The following AGBL1 variants were observed in gnomAD, a reference collection of about 807,000 sequenced individuals.
AGBL1 encodes AGBL carboxypeptidase 1.
A neutral mutation model predicts 118.9 loss-of-function variants in AGBL1; 130 were observed. The observed-to-expected ratio is 1.09, with a 90% CI of 0.95 to 1.26. The LOEUF (loss-of-function observed/expected upper bound fraction) is 1.26, where lower values mean the gene tolerates loss of function less well. Among genes scored for constraint, AGBL1 ranks in the 50% most tolerant of loss-of-function variants. The pLI is 0.00. For synonymous variants in AGBL1, 555 were observed against 478.9 expected (o/e 1.16, Z -2.08); for missense variants, 1,584 against 1,298.1 (o/e 1.22, Z -3.38).
At chr15:86,290,695 T>G (rs964834439) in intron 16 of AGBL1, among the ~76,000 whole-genome samples, 2 of 151,660 alleles carry the variant, frequency 1.3e-5, no homozygotes, top group African/African-American at 2.4e-5. Flanking sequence ...TTTTTTTATT[T>G]TATTATTATT....
At chr15:86,800,523 C>G (rs1596493090) in intron 22 of AGBL1, among the ~76,000 whole-genome samples, 1 of 152,094 alleles carries the variant, frequency 6.6e-6, no homozygotes, top group Non-Finnish European at 1.5e-5. Flanking sequence ...GTGTTCTACA[C>G]TTTCCCTAAT....
At chr15:86,263,402 T>A (rs554449254) in intron 10 of AGBL1, among the ~76,000 whole-genome samples, 1 of 152,322 alleles carries the variant, frequency 6.6e-6, no homozygotes, top group African/African-American at 2.4e-5. Flanking sequence ...ATGATGTTCA[T>A]ACAACAATGA....
In AGBL1 at chr15:86,197,447, C is replaced by T. The variant is rs529183945; in HGVS notation, c.489-27467C>T. On this transcript the variant is annotated intron_variant, in intron 5 of 22. Transcript: ENST00000614907. ...TATTGGAAACTGGAGGAAAAGCCAT[C>T]GTTGTTATGAAGTGGCAAATAACTT... Among the ~76,000 whole-genome samples the T allele has an allele frequency of 2.4e-4, 37 of 152,282 alleles. 1 individual carries two copies. The highest frequency in any genetic ancestry group is 3.4e-3 in the Middle Eastern group (1 of 294).
chr15:86,769,004 G>C (rs554114904), intron 22 of AGBL1, among the ~76,000 whole-genome samples: 1 of 151,904 alleles, frequency 6.6e-6, no homozygotes, highest in Non-Finnish European at 1.5e-5. Flanking sequence ...TAGAGACAAA[G>C]ACAGTTTATT....
Position 86,271,647 on chromosome 15 carries a change from G to A in AGBL1, c.2016G>A (p.Lys672=), listed in dbSNP as rs1195068191. The change falls in exon 15 of 23, where the codon AAG becomes AAA. Residue 672 remains lysine, a synonymous_variant. Transcript: ENST00000614907. The part of the protein sequence containing the change: ...YGMQPTLYSV[K]EALLGKPTWI... ...TGCAGCCCACCCTATATTCTGTGAA[G>A]GAGGCTCTTCTTGGCAAACCCACCT... 1.2e-6 allele frequency: 2 copies of A among 1,612,964 alleles called. No individual in the cohort carries two copies. Among genetic ancestry groups the A allele is most frequent in the South Asian group, 1.1e-5 (1 of 91,062 alleles).
intron 22 of AGBL1, among the ~76,000 whole-genome samples, chr15:86,753,485 C>T (rs974186223): frequency 4.9e-5 from 7 of 144,054 alleles, no homozygotes; most frequent in Non-Finnish European, 1.0e-4. Flanking sequence ...GCAACTTTTG[C>T]CTCCCGGATT....
At chr15:86,184,433 C>CTTTTTTTTTTTTTTT (rs71144032) in intron 5 of AGBL1, among the ~76,000 whole-genome samples, 1 of 136,186 alleles carries the variant, frequency 7.3e-6, no homozygotes, top group Non-Finnish European at 1.6e-5. Flanking sequence ...TTTTTTCTTT[C>CTTTTTTTTTTTTTTT]TTTTTTTTTT....
chr15:86,577,282 T>C (rs2084105350), intron 21 of AGBL1, among the ~76,000 whole-genome samples: 1 of 152,144 alleles, frequency 6.6e-6, no homozygotes, highest in Admixed American at 6.5e-5. Flanking sequence ...TGGTGGCATT[T>C]TTCCCCTGCC....
At chr15:86,688,755 T>C (rs529387335) in intron 22 of AGBL1, among the ~76,000 whole-genome samples, 3 of 152,154 alleles carry the variant, frequency 2.0e-5, no homozygotes, top group Non-Finnish European at 4.4e-5. Flanking sequence ...GAAATACTAA[T>C]TGGATGATTT....
At chr15:86,653,962 C>T (rs2085420967) in intron 21 of AGBL1, among the ~76,000 whole-genome samples, 3 of 152,020 alleles carry the variant, frequency 2.0e-5, no homozygotes, top group Admixed American at 2.0e-4. Context: ...CAGATTAGAG[C>T]AGAAGAATGT....
At chr15:86,609,019 A>T (rs574511555) in intron 21 of AGBL1, among the ~76,000 whole-genome samples, 1 of 152,180 alleles carries the variant, frequency 6.6e-6, no homozygotes, top group South Asian at 2.1e-4. Context: ...CACACTTTGC[A>T]TAATTTTAAA....
chr15:86,702,425 G>T (rs2086376476), intron 22 of AGBL1, among the ~76,000 whole-genome samples: 1 of 152,112 alleles, frequency 6.6e-6, no homozygotes, highest in Non-Finnish European at 1.5e-5. Flanking sequence ...TATAGTAGGT[G>T]CTCAATAAGT....
At chr15:87,002,887 A>G (rs11852364) in intron 24 of AGBL1, among the ~76,000 whole-genome samples, 13,769 of 152,098 alleles carry the variant, frequency 0.091, 1,007 homozygotes, top group African/African-American at 0.21. Flanking sequence ...GGCTGAGACA[A>G]TGGGGTTTTC....
At chr15:86,243,183 C>T (rs564796780) in intron 6 of AGBL1, among the ~76,000 whole-genome samples, 43 of 152,134 alleles carry the variant, frequency 2.8e-4, no homozygotes, top group African/African-American at 7.7e-4. Context: ...TGTTGTAGAA[C>T]GCGTAAGGAT....
At chr15:86,736,588 A>C (rs79856064) in intron 22 of AGBL1, among the ~76,000 whole-genome samples, 2,232 of 152,260 alleles carry the variant, frequency 0.015, 61 homozygotes, top group African/African-American at 0.05. Flanking sequence ...ATTCAAGGCT[A>C]TTCTCATGTA....
Position 86,817,463 on chromosome 15 carries a change from T to TACACACACAC in AGBL1, c.3159-89604_3159-89595dup, listed in dbSNP as rs143498374. Among the ~76,000 whole-genome samples the TACACACACAC allele has an allele frequency of 4.2e-3, 566 of 133,446 alleles. 7 individuals are homozygous for TACACACACAC. Among genetic ancestry groups the TACACACACAC allele is most frequent in the African/African-American group, 0.013 (462 of 34,364 alleles). The allele number at this position is 133,446 out of a possible 152,430, so 87.5% of individuals were successfully genotyped here. A position where few individuals can be genotyped will look rare whatever the true frequency, so the allele number is the denominator to read the frequency against. On this transcript the variant is annotated intron_variant, in intron 22 of 22. Coordinates refer to ENST00000614907, the MANE Select transcript of AGBL1 (RefSeq NM_001386094.1). ...CAAGTGTGTGTGTGTCTCTGAGAGATACACACACACACACACACACACACA... is the reference window on the plus strand; with the variant it reads ...CAAGTGTGTGTGTGTCTCTGAGAGATACACACACACACACACACACACACACACACACACA...
chr15:86,447,477 A>G (rs756830027), intron 18 of AGBL1, among the ~76,000 whole-genome samples: 35 of 152,230 alleles, frequency 2.3e-4, no homozygotes, highest in Non-Finnish European at 4.4e-4. Flanking sequence ...TGATGTATCA[A>G]TTGAGCTTCT....
At position 86,906,493 on chromosome 15, in the gene AGBL1, A is replaced by G. The variant is rs534840552; in HGVS notation, c.3159-594A>G. ...CATTTGTTAATTTCAACCTGGATTAATTTTCCAGCTACTATAAACCATTCA... is the reference window on the plus strand; with the variant it reads ...CATTTGTTAATTTCAACCTGGATTAGTTTTCCAGCTACTATAAACCATTCA... On this transcript the variant is annotated intron_variant, in intron 22 of 22. Coordinates refer to ENST00000614907, the MANE Select transcript of AGBL1 (RefSeq NM_001386094.1). Among the ~76,000 whole-genome samples the G allele has an allele frequency of 1.8e-3, 277 of 152,282 alleles. 7 individuals are homozygous for G. The highest frequency in any genetic ancestry group is 2.3e-3 in the Non-Finnish European group (157 of 68,012).
intron 22 of AGBL1, among the ~76,000 whole-genome samples, chr15:86,840,784 A>T (rs145424245): frequency 6.6e-6 from 1 of 151,958 alleles, no homozygotes; most frequent in African/African-American, 2.4e-5. Flanking sequence ...TTTTATTCTC[A>T]TCTTCTTTTT....
Sources: allele counts gnomAD v4.1 joint callset (sites outside exome capture counted in the v4.1 genomes callset), GRCh38; gene constraint gnomAD v4.1.1; transcripts MANE v1.5; gene names NCBI Gene and HGNC (gene_info 2026-07-23, HGNC 2026-07-21).